The following NCOA2 variants were observed in gnomAD, a reference collection of about 807,000 sequenced individuals.
NCOA2 encodes class E basic helix-loop-helix protein 75.
Under a neutral mutation model 145.1 loss-of-function variants are expected in NCOA2, and 21 were observed. The observed-to-expected ratio is 0.14, with a 90% CI of 0.10 to 0.21. The LOEUF (loss-of-function observed/expected upper bound fraction) is 0.21, where lower values mean the gene tolerates loss of function less well. Ranked by LOEUF, NCOA2 falls within the 10% of genes least tolerant of loss-of-function variation. NCOA2 has a pLI of 1.00. For synonymous variants in NCOA2, 619 were observed against 637.5 expected, an observed-to-expected ratio of 0.97 and a Z score of 0.44; for missense variants, 1,472 against 1,837.6, an observed-to-expected ratio of 0.80 and a Z score of 3.64.
intron 4 of NCOA2, among the ~76,000 whole-genome samples, chr8:70,197,774 A>G (rs1817483755): frequency 6.6e-6 from 1 of 151,694 alleles, no homozygotes; most frequent in Non-Finnish European, 1.5e-5. Flanking sequence ...TTCTATTCAT[A>G]CCTTCTTAAA....
intron 4 of NCOA2, among the ~76,000 whole-genome samples, chr8:70,187,567 C>T (rs1816213929): frequency 1.3e-5 from 2 of 152,118 alleles, no homozygotes; most frequent in South Asian, 4.1e-4. Context: ...AGACTGTGAG[C>T]ACCATGGCTA....
At chr8:70,151,851 T>C (rs1025683277) in intron 11 of NCOA2, among the ~76,000 whole-genome samples, 6 of 152,208 alleles carry the variant, frequency 3.9e-5, no homozygotes, top group African/African-American at 9.6e-5. Context: ...TCAGAATATC[T>C]ATACCCCTCA....
At chr8:70,348,328 T>C (rs931847786) in intron 1 of NCOA2, among the ~76,000 whole-genome samples, 1 of 151,968 alleles carries the variant, frequency 6.6e-6, no homozygotes, top group African/African-American at 2.4e-5. Context: ...GCCAGTAAGG[T>C]AGTAAGGGAA....
intron 4 of NCOA2, among the ~76,000 whole-genome samples, chr8:70,175,868 A>ATTT (rs34885918): frequency 1.3e-5 from 2 of 148,894 alleles, no homozygotes; most frequent in Non-Finnish European, 3.0e-5. Context: ...AACCTTAATA[A>ATTT]TTTTTTTTTT....
At chr8:70,276,505 T>C (rs1210844843) in intron 2 of NCOA2, among the ~76,000 whole-genome samples, 4 of 152,042 alleles carry the variant, frequency 2.6e-5, no homozygotes, top group Admixed American at 6.6e-5. Flanking sequence ...TCTAGGAGGG[T>C]CCCTGTGGGA....
intron 4 of NCOA2, among the ~76,000 whole-genome samples, chr8:70,194,789 C>T (rs1052964057): frequency 6.6e-6 from 1 of 150,416 alleles, no homozygotes; most frequent in Non-Finnish European, 1.5e-5. Flanking sequence ...AACTAAAACT[C>T]GGTGTCTCTG....
intron 2 of NCOA2, among the ~76,000 whole-genome samples, chr8:70,225,993 C>T (rs1375118786): frequency 1.3e-5 from 2 of 151,736 alleles, no homozygotes; most frequent in Non-Finnish European, 2.9e-5. Context: ...ATAGTAAGGG[C>T]TTATTTAATA....
intron 2 of NCOA2, among the ~76,000 whole-genome samples, chr8:70,233,304 A>T (rs1381525360): frequency 6.6e-6 from 1 of 152,188 alleles, no homozygotes; most frequent in Non-Finnish European, 1.5e-5. Context: ...TCTATAATCA[A>T]ATTCAGTATT....
intron 1 of NCOA2, among the ~76,000 whole-genome samples, chr8:70,394,202 C>A (rs571963238): frequency 1.1e-3 from 170 of 152,324 alleles, no homozygotes; most frequent in African/African-American, 4.0e-3. Flanking sequence ...GTTGCCCAGG[C>A]TGGAGTGCGA....
intron 21 of NCOA2, among the ~76,000 whole-genome samples, chr8:70,121,881 A>G (rs1206125171): frequency 1.3e-5 from 2 of 152,254 alleles, no homozygotes; most frequent in Non-Finnish European, 2.9e-5. Flanking sequence ...TTGCATTTGT[A>G]CATTTCTTTA....
chr8:70,122,718 C>T (rs1208016676), intron 21 of NCOA2, among the ~76,000 whole-genome samples: 3 of 152,292 alleles, frequency 2.0e-5, no homozygotes, highest in East Asian at 3.9e-4. Flanking sequence ...TTTTATTAAT[C>T]GTTTTAAATA....
intron 1 of NCOA2, among the ~76,000 whole-genome samples, chr8:70,329,531 A>G (rs1164967662): frequency 5.9e-5 from 9 of 152,090 alleles, no homozygotes; most frequent in Admixed American, 2.0e-4. Context: ...GTGAGTCCAC[A>G]TGCCTCAGCC....
intron 2 of NCOA2, among the ~76,000 whole-genome samples, chr8:70,236,639 G>A (rs185971148): frequency 1.4e-4 from 21 of 151,806 alleles, no homozygotes; most frequent in Non-Finnish European, 2.6e-4. Context: ...TTCTGTATTC[G>A]CAGATTCAGC....
intron 4 of NCOA2, among the ~76,000 whole-genome samples, chr8:70,186,659 T>C (rs1401431104): frequency 6.6e-6 from 1 of 152,174 alleles, no homozygotes; most frequent in Non-Finnish European, 1.5e-5. Flanking sequence ...AAGCAAGGTT[T>C]GCATATGTAA....
At chr8:70,290,199 T>C (rs1287369526) in intron 2 of NCOA2, among the ~76,000 whole-genome samples, 1 of 150,318 alleles carries the variant, frequency 6.7e-6, no homozygotes, top group Admixed American at 6.6e-5. Context: ...TTTTTTTTTT[T>C]TTTTTGAGAT....
At chr8:70,189,164 C>T (rs1487284684) in intron 4 of NCOA2, among the ~76,000 whole-genome samples, 1 of 152,154 alleles carries the variant, frequency 6.6e-6, no homozygotes, top group Non-Finnish European at 1.5e-5. Flanking sequence ...AATTCCACTT[C>T]ATTTGGGGTG....
intron 4 of NCOA2, among the ~76,000 whole-genome samples, chr8:70,212,446 T>TA (rs1322623189): frequency 6.6e-6 from 1 of 152,080 alleles, no homozygotes; most frequent in Non-Finnish European, 1.5e-5. Flanking sequence ...CACTGGATGT[T>TA]AAAGGTCATG....
Position 70,124,095 on chromosome 8 carries a change from G to T in NCOA2, c.4095-13C>A. The T allele has an allele frequency of 6.2e-7, 1 of 1,609,812 alleles. No homozygotes were observed. Among genetic ancestry groups the T allele is most frequent in the South Asian group, 1.1e-5 (1 of 90,416 alleles). ...CTGGGAAAACATGCTGGAATACAAT[G>T]GAAAGATTGAATGAATGTTACAGCT... is the stretch of plus-strand genomic sequence containing the variant. On this transcript the variant is annotated splice_polypyrimidine_tract_variant and intron_variant, in intron 20 of 22. Coordinates refer to ENST00000452400, the MANE Select transcript of NCOA2 (RefSeq NM_006540.4).
At position 70,204,922 on chromosome 8, in the gene NCOA2, C is replaced by T. The variant is rs564213678; in HGVS notation, c.259+8981G>A. Among the ~76,000 whole-genome samples the T allele has an allele frequency of 1.1e-4, 16 of 152,252 alleles. No homozygotes were observed. In the East Asian group the frequency reaches 2.3e-3, roughly 22 times the overall value. The stretch of plus-strand genomic sequence containing the variant: ...ACTCAGGAGGATGAGGCACAAGAAT[C>T]GCTTGAACCCGGGAGGCAGAGGTTG... On this transcript the variant is annotated intron_variant, in intron 4 of 22. Transcript: ENST00000452400.
Sources: gnomAD v4.1 joint callset for allele counts (sites outside exome capture counted in the v4.1 genomes callset) on GRCh38, gnomAD v4.1.1 for gene constraint, MANE v1.5 for transcripts, NCBI Gene and HGNC (gene_info 2026-07-23, HGNC 2026-07-21) for gene names.